The following RBFOX1 variants were observed in gnomAD, a reference collection of about 807,000 sequenced individuals.
RBFOX1 encodes RNA binding fox-1 homolog 1.
Under a neutral mutation model 57.7 loss-of-function variants are expected in RBFOX1, and 8 were observed. The observed-to-expected ratio is 0.14, with a 90% CI of 0.08 to 0.25. The LOEUF (loss-of-function observed/expected upper bound fraction) is 0.25, where lower values mean the gene tolerates loss of function less well. RBFOX1 is among the 10% of genes least tolerant of loss of function. The pLI, the probability that RBFOX1 is intolerant of heterozygous loss-of-function variation, is 1.00. For missense variants in RBFOX1, 611 were observed against 548.5 expected (o/e 1.11, Z -1.14); for synonymous variants, 326 against 222.4 (o/e 1.47, Z -4.15).
At chr16:7,447,644 C>G (rs905975705) in intron 4 of RBFOX1, among the ~76,000 whole-genome samples, 2 of 152,296 alleles carry the variant, frequency 1.3e-5, no homozygotes, top group East Asian at 1.9e-4. Flanking sequence ...GTATCCCAAA[C>G]TTTTCCTTGC....
intron 2 of RBFOX1, among the ~76,000 whole-genome samples, chr16:6,341,729 C>G (rs1260267867): frequency 3.3e-5 from 5 of 152,012 alleles, no homozygotes; most frequent in African/African-American, 4.8e-5. Flanking sequence ...ATGTCCTACT[C>G]TGTCTATGGA....
chr16:5,883,921 T>C (rs2057830852), intron 4 of RBFOX1, among the ~76,000 whole-genome samples: 1 of 152,210 alleles, frequency 6.6e-6, no homozygotes, highest in African/African-American at 2.4e-5. Context: ...CATTATCTTG[T>C]TGATTGGAAG....
intron 1 of RBFOX1, among the ~76,000 whole-genome samples, chr16:6,103,740 C>T (rs192686403): frequency 2.4e-4 from 36 of 152,252 alleles, no homozygotes; most frequent in Non-Finnish European, 4.6e-4. Flanking sequence ...CTTCCACCTG[C>T]ATGCCATTGG....
chr16:7,547,744 G>T (rs1256151843), intron 5 of RBFOX1, among the ~76,000 whole-genome samples: 1 of 152,170 alleles, frequency 6.6e-6, no homozygotes, highest in Non-Finnish European at 1.5e-5. Context: ...TTTTATTTTT[G>T]CAGGTGGAAA....
At chr16:5,685,630 T>G (rs2050481817) in intron 3 of RBFOX1, among the ~76,000 whole-genome samples, 1 of 152,214 alleles carries the variant, frequency 6.6e-6, no homozygotes, top group Non-Finnish European at 1.5e-5. Flanking sequence ...AGTTAATCCA[T>G]TTCTTTTTTG....
chr16:6,820,438 G>C (rs72766749), intron 3 of RBFOX1, among the ~76,000 whole-genome samples: 2 of 152,074 alleles, frequency 1.3e-5, no homozygotes, highest in African/African-American at 4.8e-5. Flanking sequence ...GGAAAAATCA[G>C]TTGAGGCCAG....
At chr16:5,512,014 A>G (rs977131032) in intron 2 of RBFOX1, among the ~76,000 whole-genome samples, 1 of 152,248 alleles carries the variant, frequency 6.6e-6, no homozygotes, top group African/African-American at 2.4e-5. Flanking sequence ...TAAATCTCTG[A>G]TTTCAAAGGA....
At position 6,131,502 on chromosome 16, in the gene RBFOX1, C is replaced by T. The variant is rs145991193; in HGVS notation, c.-127+111510C>T. On this transcript the variant is annotated intron_variant, in intron 1 of 15. Transcript: ENST00000550418. Reference sequence around the variant, plus strand: ...ATTTAAATGCAGCTTCTGAAAGTCACCCTCTAAGATTCTGATCCAGAACAT... The same window carrying T: ...ATTTAAATGCAGCTTCTGAAAGTCATCCTCTAAGATTCTGATCCAGAACAT... Among the ~76,000 whole-genome samples, 4 of 152,270 alleles carry T rather than the reference C, an allele frequency of 2.6e-5. No individual in the cohort carries two copies. In the East Asian group the frequency reaches 7.7e-4, roughly 29 times the overall value.
intron 4 of RBFOX1, among the ~76,000 whole-genome samples, chr16:7,481,911 A>C (rs1185496848): frequency 6.6e-6 from 1 of 152,224 alleles, no homozygotes; most frequent in Non-Finnish European, 1.5e-5. Context: ...TGAATATCTC[A>C]TGTAATAATT....
intron 4 of RBFOX1, among the ~76,000 whole-genome samples, chr16:7,466,446 G>C (rs909768443): frequency 2.6e-5 from 4 of 152,170 alleles, no homozygotes; most frequent in Non-Finnish European, 4.4e-5. Flanking sequence ...TAAGAAAAGA[G>C]GGGCTTAGTA....
chr16:5,285,250 G>T (rs1222215918), intron 1 of RBFOX1, among the ~76,000 whole-genome samples: 1 of 152,126 alleles, frequency 6.6e-6, no homozygotes, highest in African/African-American at 2.4e-5. Flanking sequence ...AAAGCTGTCA[G>T]TTATCTTTTG....
intron 3 of RBFOX1, among the ~76,000 whole-genome samples, chr16:7,011,929 T>G (rs1365094328): frequency 6.6e-6 from 1 of 152,194 alleles, no homozygotes; most frequent in African/African-American, 2.4e-5. Flanking sequence ...TTCTGCACAT[T>G]TCTCTCTGGA....
Position 7,518,358 on chromosome 16 carries a change from C to T in RBFOX1, c.239C>T (p.Thr80Met). ...QTHSEQSPAD[T>M]SAQTVSGTAT... The stretch of plus-strand genomic sequence containing the variant: ...CACTCCGAGCAGAGCCCGGCGGACA[C>T]GAGCGCTCAGACCGTCTCTGGCACC... The change falls in exon 5 of 16, where the codon ACG (threonine) becomes ATG (methionine). Residue 80 changes from threonine (T) to methionine (M), a missense_variant. Around this residue, in one of 3 missense-constraint regions of RBFOX1, gnomAD observed 245 missense variants for 159.1 expected, o/e 1.54. Transcript: ENST00000550418. 2.5e-6 allele frequency: 4 copies of T among 1,612,768 alleles called. No individual in the cohort carries two copies. The highest frequency in any genetic ancestry group is 3.4e-6 in the Non-Finnish European group (4 of 1,179,248).
At chr16:6,983,093 A>T (rs931496228) in intron 3 of RBFOX1, among the ~76,000 whole-genome samples, 6 of 131,860 alleles carry the variant, frequency 4.6e-5, no homozygotes, top group African/African-American at 1.7e-4. Flanking sequence ...GGCCATGCTG[A>T]GACATGAGTT....
intron 3 of RBFOX1, among the ~76,000 whole-genome samples, chr16:6,855,675 T>A (rs997106987): frequency 2.0e-5 from 3 of 151,726 alleles, no homozygotes; most frequent in Non-Finnish European, 4.4e-5. Context: ...AAAAGATCTT[T>A]TAACTCTGGA....
At chr16:7,477,921 T>G (rs2063080770) in intron 4 of RBFOX1, among the ~76,000 whole-genome samples, 1 of 152,340 alleles carries the variant, frequency 6.6e-6, no homozygotes, top group Middle Eastern at 3.4e-3. Flanking sequence ...TCTTGTTGTT[T>G]ATTGCTTGAT....
intron 3 of RBFOX1, among the ~76,000 whole-genome samples, chr16:7,045,776 C>T (rs1212446072): frequency 1.3e-5 from 2 of 152,112 alleles, no homozygotes; most frequent in Non-Finnish European, 2.9e-5. Context: ...TTGCCTCAGC[C>T]TCCTGAGTAG....
chr16:7,248,503 G>A (rs1179621761), intron 4 of RBFOX1, among the ~76,000 whole-genome samples: 4 of 152,186 alleles, frequency 2.6e-5, no homozygotes, highest in Admixed American at 6.5e-5. Flanking sequence ...TGGCTTAGCT[G>A]AATTAGGGGT....
chr16:6,145,443 G>A (rs372938566), intron 1 of RBFOX1, among the ~76,000 whole-genome samples: 5 of 152,148 alleles, frequency 3.3e-5, no homozygotes, highest in South Asian at 4.2e-4. Context: ...TCATTGATGG[G>A]CATTTAGGTT....
Sources: gnomAD v4.1 joint callset for allele counts (sites outside exome capture counted in the v4.1 genomes callset) on GRCh38, gnomAD v4.1.1 for gene constraint, gnomAD v4.1.1 regional missense constraint, MANE v1.5 for transcripts, NCBI Gene and HGNC (gene_info 2026-07-23, HGNC 2026-07-21) for gene names.